FAM240A: variants seen among roughly 807,000 people sequenced by gnomAD.
The protein encoded by FAM240A is family with sequence similarity 240 member A, also known as protein FAM240A.
A neutral mutation model predicts 7.3 loss-of-function variants in FAM240A; 8 were observed. The ratio of observed to expected loss-of-function variants is 1.09; its 90% CI spans 0.64 to 1.97. The LOEUF (loss-of-function observed/expected upper bound fraction) is 1.97, where lower values mean the gene tolerates loss of function less well. Among genes scored for constraint, FAM240A ranks in the 30% most tolerant of loss-of-function variants. The probability of loss-of-function intolerance (pLI) is 0.00; values close to 1 mark genes in which losing one functional copy is unlikely to be tolerated. For missense variants in FAM240A, 90 were observed against 102.2 expected, an observed-to-expected ratio of 0.88 and a Z score of 0.52; for synonymous variants, 32 against 35.9, an observed-to-expected ratio of 0.89 and a Z score of 0.38.
intron 2 of FAM240A, among the ~76,000 whole-genome samples, chr3:46,620,122 A>C: frequency 6.7e-6 from 1 of 150,068 alleles, no homozygotes. Flanking sequence ...CCCTCAGCTG[A>C]CCCCTCTTCC....
intron 2 of FAM240A, among the ~76,000 whole-genome samples, chr3:46,619,236 G>C (rs1272274064): frequency 1.3e-5 from 2 of 152,180 alleles, no homozygotes; most frequent in African/African-American, 4.8e-5. Context: ...AGTGGGCAAG[G>C]GTGGGAACAA....
chr3:46,621,408 T>A (rs879514846), intron 2 of FAM240A, among the ~76,000 whole-genome samples: 3 of 152,224 alleles, frequency 2.0e-5, no homozygotes, highest in African/African-American at 7.2e-5. Flanking sequence ...GCCTTATATA[T>A]CTTTTTTCCG....
chr3:46,623,542 G>A (rs1697720794), intron 2 of FAM240A, among the ~76,000 whole-genome samples: 1 of 152,044 alleles, frequency 6.6e-6, no homozygotes, highest in East Asian at 1.9e-4. Flanking sequence ...ATCACATTTT[G>A]CTTCATGTAT....
intron 2 of FAM240A, among the ~76,000 whole-genome samples, chr3:46,622,828 T>C (rs1223089700): frequency 6.6e-6 from 1 of 152,228 alleles, no homozygotes; most frequent in Non-Finnish European, 1.5e-5. Flanking sequence ...TTCTTCAAAA[T>C]TGTTTTAGTT....
At chr3:46,623,848 ATTGCGTTGTT>A (rs1697724571) in intron 2 of FAM240A, among the ~76,000 whole-genome samples, 1 of 152,110 alleles carries the variant, frequency 6.6e-6, no homozygotes, top group Non-Finnish European at 1.5e-5. Flanking sequence ...TTGCATTTTT[ATTGCGTTGTT>A]TACACCATTA....
chr3:46,619,683 C>G (rs76581580), intron 2 of FAM240A, among the ~76,000 whole-genome samples: 6,000 of 152,302 alleles, frequency 0.039, 363 homozygotes, highest in African/African-American at 0.13. Context: ...GTGCAGATGT[C>G]TTGGCATGCT....
At chr3:46,619,550 G>A (rs1345938728) in intron 2 of FAM240A, among the ~76,000 whole-genome samples, 1 of 152,196 alleles carries the variant, frequency 6.6e-6, no homozygotes. Flanking sequence ...AGGTGACACA[G>A]ATGCTGCCGT....
At chr3:46,614,032 C>A (rs1260995425) in intron 1 of FAM240A, among the ~76,000 whole-genome samples, 1 of 152,134 alleles carries the variant, frequency 6.6e-6, no homozygotes, top group East Asian at 1.9e-4. Context: ...AATCTTTCTA[C>A]CTCAGCCTCC....
At chr3:46,619,542 G>A (rs949894636) in intron 2 of FAM240A, among the ~76,000 whole-genome samples, 2 of 152,150 alleles carry the variant, frequency 1.3e-5, no homozygotes, top group African/African-American at 4.8e-5. Flanking sequence ...GGTCAGGGAG[G>A]TGACACAGAT....
intron 1 of FAM240A, 104 bp downstream of exon 1, chr3:46,612,802 G>C: frequency 1.1e-6 from 1 of 880,666 alleles, no homozygotes; most frequent in Non-Finnish European, 1.8e-6. Context: ...GCAGCAGCAC[G>C]AATTCTCTCA....
Position 46,612,605 on chromosome 3 carries a change from C to T in FAM240A, c.-79C>T. ...TGATTTGCTGAACGTGAATTGGCTC[C>T]TGGGGCAGCACAGATGCCTCACAGG... is the stretch of plus-strand genomic sequence containing the variant. On this transcript the variant is annotated 5_prime_UTR_variant, in exon 1 of 3. Transcript: ENST00000640551. The T allele has an allele frequency of 1.7e-6, 2 of 1,171,270 alleles. No homozygotes were observed. The highest frequency in any genetic ancestry group is 2.5e-6 in the Non-Finnish European group (2 of 812,812). The allele number at this position is 1,171,270 out of a possible 1,614,324, so 72.6% of individuals were successfully genotyped here. A position where few individuals can be genotyped will look rare whatever the true frequency, so the allele number is the denominator to read the frequency against.
chr3:46,623,437 A>C (rs554727176), intron 2 of FAM240A, among the ~76,000 whole-genome samples: 2 of 152,296 alleles, frequency 1.3e-5, no homozygotes, highest in African/African-American at 2.4e-5. Flanking sequence ...GTGTTGTTCA[A>C]GTGTTTTATA....
chr3:46,616,922 G>A (rs919339160), intron 1 of FAM240A, among the ~76,000 whole-genome samples: 3 of 152,104 alleles, frequency 2.0e-5, no homozygotes, highest in African/African-American at 7.2e-5. Context: ...TCAGTTCTTT[G>A]AGAAATCTCC....
chr3:46,623,736 G>A (rs552729525), intron 2 of FAM240A, among the ~76,000 whole-genome samples: 7 of 151,974 alleles, frequency 4.6e-5, no homozygotes, highest in Non-Finnish European at 8.8e-5. Context: ...CTATCTCTTC[G>A]TCCTTTTACT....
intron 2 of FAM240A, among the ~76,000 whole-genome samples, chr3:46,619,947 T>G (rs1697676307): frequency 6.6e-6 from 1 of 152,140 alleles, no homozygotes; most frequent in African/African-American, 2.4e-5. Context: ...GAACATATAA[T>G]AAGAAGTGCT....
In FAM240A at chr3:46,612,539, G is replaced by A; in HGVS notation, c.-145G>A. The A allele has an allele frequency of 1.5e-6, 1 of 671,414 alleles. No homozygotes were observed. The highest frequency in any genetic ancestry group is 1.7e-5 in the South Asian group (1 of 58,380). 41.6% of individuals were successfully genotyped at this position (671,414 alleles called of 1,614,324 possible). A position where few individuals can be genotyped will look rare whatever the true frequency, so the allele number is the denominator to read the frequency against. On this transcript the variant is annotated 5_prime_UTR_variant, in exon 1 of 3. Transcript: ENST00000640551. ...CTTGGGAAATCAAATTGCTGGCACA[G>A]CGTTAAGGCTTGCGAGGGACAAATG...
intron 2 of FAM240A, among the ~76,000 whole-genome samples, chr3:46,618,658 A>G (rs1697656662): frequency 6.6e-6 from 1 of 151,962 alleles, no homozygotes; most frequent in Non-Finnish European, 1.5e-5. Context: ...CCGACCAACA[A>G]GGAGAAACCC....
chr3:46,618,615 C>G (rs950940215), intron 2 of FAM240A, among the ~76,000 whole-genome samples: 1 of 151,844 alleles, frequency 6.6e-6, no homozygotes, highest in Non-Finnish European at 1.5e-5. Flanking sequence ...CTGAGGTGGG[C>G]GGATCACCTG....
chr3:46,614,127 T>C (rs559506539), intron 1 of FAM240A, among the ~76,000 whole-genome samples: 1 of 152,294 alleles, frequency 6.6e-6, no homozygotes, highest in African/African-American at 2.4e-5. Context: ...TCTCTGTATG[T>C]TGCCCAGCCT....
Sources: gnomAD v4.1 joint callset for allele counts (sites outside exome capture counted in the v4.1 genomes callset) on GRCh38, gnomAD v4.1.1 for gene constraint, MANE v1.5 for transcripts, NCBI Gene and HGNC (gene_info 2026-07-23, HGNC 2026-07-21) for gene names.